The following MARCHF8 variants were observed in gnomAD, a reference collection of about 807,000 sequenced individuals.
The protein encoded by MARCHF8 is E3 ubiquitin-protein ligase MARCHF8.
A neutral mutation model predicts 51.6 loss-of-function variants in MARCHF8; 40 were observed. The ratio of observed to expected loss-of-function variants is 0.77; its 90% CI spans 0.60 to 1.01. The LOEUF is 1.01. Ranked by LOEUF, MARCHF8 falls within the 50% of genes least tolerant of loss-of-function variation. The pLI is 0.00. For missense variants in MARCHF8, 685 were observed against 708.6 expected, an observed-to-expected ratio of 0.97 and a Z score of 0.38; for synonymous variants, 263 against 280.3, an observed-to-expected ratio of 0.94 and a Z score of 0.62.
At chr10:45,544,006 TAC>T (rs1334793566) in intron 1 of MARCHF8, among the ~76,000 whole-genome samples, 2 of 152,030 alleles carry the variant, frequency 1.3e-5, no homozygotes, top group Non-Finnish European at 2.9e-5. Flanking sequence ...TGTTCGAGGC[TAC>T]AGTGAGCTAT....
upstream of MARCHF8, among the ~76,000 whole-genome samples, chr10:45,537,045 G>T (rs1214904408): frequency 6.6e-6 from 1 of 151,970 alleles, no homozygotes; most frequent in African/African-American, 2.4e-5. Flanking sequence ...TGCTAGTGAG[G>T]ATCTATGCAG....
At chr10:45,517,140 T>A (rs1426413044) in intron 2 of MARCHF8, among the ~76,000 whole-genome samples, 2 of 152,198 alleles carry the variant, frequency 1.3e-5, no homozygotes, top group Non-Finnish European at 2.9e-5. Context: ...GAGTATCAGC[T>A]AGTTGACAGT....
chr10:45,487,720 C>T (rs2043007789), intron 3 of MARCHF8, among the ~76,000 whole-genome samples: 1 of 152,056 alleles, frequency 6.6e-6, no homozygotes, highest in South Asian at 2.1e-4. Flanking sequence ...ACAAATATGC[C>T]TAAGAACAGA....
At chr10:45,548,703 C>T (rs552366090) in intron 1 of MARCHF8, among the ~76,000 whole-genome samples, 1 of 152,234 alleles carries the variant, frequency 6.6e-6, no homozygotes, top group Admixed American at 6.5e-5. Flanking sequence ...CCATCAAGCA[C>T]AGAAATAGTC....
intron 2 of MARCHF8, among the ~76,000 whole-genome samples, chr10:45,498,401 C>G (rs559983980): frequency 6.6e-6 from 1 of 152,060 alleles, no homozygotes; most frequent in Non-Finnish European, 1.5e-5. Context: ...GGAATCATAA[C>G]AGTATTTTTC....
intron 1 of MARCHF8, among the ~76,000 whole-genome samples, chr10:45,585,262 C>G (rs2044606170): frequency 1.3e-5 from 2 of 152,192 alleles, no homozygotes; most frequent in Middle Eastern, 3.4e-3. Context: ...AAACTCTTGC[C>G]CAAGAGCATA....
At chr10:45,545,310 T>C (rs1487564317) in intron 1 of MARCHF8, among the ~76,000 whole-genome samples, 1 of 152,194 alleles carries the variant, frequency 6.6e-6, no homozygotes, top group Admixed American at 6.5e-5. Context: ...GTTGGATCAA[T>C]CTCCCTGAGA....
chr10:45,470,248 T>C (rs1357910749), intron 3 of MARCHF8, among the ~76,000 whole-genome samples: 1 of 152,182 alleles, frequency 6.6e-6, no homozygotes, highest in Non-Finnish European at 1.5e-5. Flanking sequence ...CCCTCCTTCC[T>C]GGAGGCCTGG....
intron 1 of MARCHF8, among the ~76,000 whole-genome samples, chr10:45,541,459 T>C (rs1401128008): frequency 4.6e-5 from 7 of 152,110 alleles, no homozygotes; most frequent in Admixed American, 3.3e-4. Context: ...TTAGGAGATA[T>C]ACCTAATGTA....
intron 1 of MARCHF8, among the ~76,000 whole-genome samples, chr10:45,558,152 G>C (rs1282164569): frequency 6.6e-6 from 1 of 152,166 alleles, no homozygotes; most frequent in Non-Finnish European, 1.5e-5. Context: ...CTCCTAGCCT[G>C]AGTCTGCACT....
chr10:45,546,863 C>A (rs537473000), intron 1 of MARCHF8, among the ~76,000 whole-genome samples: 1 of 151,868 alleles, frequency 6.6e-6, no homozygotes, highest in East Asian at 1.9e-4. Context: ...ACAAACATAT[C>A]CCACAGACTA....
At position 45,458,274 on chromosome 10, in the gene MARCHF8, G is replaced by A. The variant is rs772110583; in HGVS notation, c.1687C>T (p.Pro563Ser). Residue 563 changes from proline to serine, a missense_variant, in exon 8 of 8, where the codon CCT (proline) becomes TCT (serine). Physicochemically the swap from Pro to Ser is moderately conservative, Grantham distance 74. Coordinates refer to ENST00000453424, the MANE Select transcript of MARCHF8 (RefSeq NM_001282866.2). ...SDTNSSCCTE[P>S]EDTGAEIIHV ...ATGATTTCTGCTCCAGTGTCTTCAG[G>A]CTCTGTGCAACAAGAAGAGTTTGTG... 25 of 1,613,554 alleles carry A rather than the reference G, an allele frequency of 1.5e-5. No homozygotes were observed. The highest frequency in any genetic ancestry group is 1.6e-4 in the Middle Eastern group (1 of 6,082).
At chr10:45,577,148 T>C (rs552115690) in intron 1 of MARCHF8, among the ~76,000 whole-genome samples, 8 of 152,204 alleles carry the variant, frequency 5.3e-5, no homozygotes, top group African/African-American at 1.7e-4. Context: ...TGTTCTCACT[T>C]ATTTGTGGGA....
At chr10:45,577,921 C>T (rs571442138) in intron 1 of MARCHF8, among the ~76,000 whole-genome samples, 2 of 152,110 alleles carry the variant, frequency 1.3e-5, no homozygotes, top group South Asian at 2.1e-4. Flanking sequence ...CTTGGGAAAC[C>T]AAGGTAGGGG....
chr10:45,520,476 A>C (rs1449681038), intron 2 of MARCHF8, among the ~76,000 whole-genome samples: 1 of 152,206 alleles, frequency 6.6e-6, no homozygotes, highest in Non-Finnish European at 1.5e-5. Flanking sequence ...ATGCTGAAGT[A>C]GTGCTGGCCA....
At position 45,563,193 on chromosome 10, in the gene MARCHF8, AT is replaced by A. The variant is rs1286238002; in HGVS notation, c.-78-29905del. Among the ~76,000 whole-genome samples, 6 of 152,024 alleles carry A rather than the reference AT, an allele frequency of 3.9e-5. No homozygotes were observed. In the East Asian group the frequency reaches 9.6e-4, roughly 24 times the overall value. On this transcript the variant is annotated intron_variant, in intron 1 of 6. Transcript: ENST00000319836. ...AGGCCTGCACCACCATACCTGGGTA[AT>A]TTTTTTATTTTTTGTAGAGACACTG...
intron 3 of MARCHF8, among the ~76,000 whole-genome samples, chr10:45,478,746 A>C (rs2042831883): frequency 6.6e-6 from 1 of 152,206 alleles, no homozygotes. Flanking sequence ...TACGAACTAC[A>C]TGCTATCAAA....
chr10:45,541,862 T>G (rs1192120017), intron 1 of MARCHF8, among the ~76,000 whole-genome samples: 2 of 152,182 alleles, frequency 1.3e-5, no homozygotes, highest in Admixed American at 1.3e-4. Context: ...CGGCTGCCTA[T>G]GGGGAAGATT....
intron 3 of MARCHF8, among the ~76,000 whole-genome samples, chr10:45,487,520 T>C (rs1299632182): frequency 6.6e-6 from 1 of 152,226 alleles, no homozygotes; most frequent in Admixed American, 6.5e-5. Flanking sequence ...GCTTAGACAC[T>C]GATTAGCTCC....
Sources: gnomAD v4.1 joint callset for allele counts (sites outside exome capture counted in the v4.1 genomes callset) on GRCh38, gnomAD v4.1.1 for gene constraint, MANE v1.5 for transcripts, NCBI Gene and HGNC (gene_info 2026-07-23, HGNC 2026-07-21) for gene names.